Variants in CRYBG3 observed in about 807,000 individuals in gnomAD.
The protein encoded by CRYBG3 is very large A-kinase anchor protein.
A neutral mutation model predicts 244.2 loss-of-function variants in CRYBG3; 127 were observed. That is an observed-to-expected ratio of 0.52 (90% confidence interval 0.45 to 0.60). CRYBG3 has a LOEUF of 0.60. Ranked by LOEUF, CRYBG3 falls within the 20% of genes least tolerant of loss-of-function variation. The pLI is 0.00. For synonymous variants in CRYBG3, 1,132 were observed against 1,195.8 expected, an observed-to-expected ratio of 0.95 and a Z score of 1.10; for missense variants, 3,325 against 3,442.5, an observed-to-expected ratio of 0.97 and a Z score of 0.85.
intron 2 of CRYBG3, among the ~76,000 whole-genome samples, chr3:97,846,111 T>C (rs2038897241): frequency 6.6e-6 from 1 of 152,214 alleles, no homozygotes; most frequent in Non-Finnish European, 1.5e-5. Flanking sequence ...ACCAGTGACC[T>C]TTTGCTGACC....
intron 2 of CRYBG3, among the ~76,000 whole-genome samples, chr3:97,860,146 C>T (rs906177449): frequency 3.3e-5 from 5 of 152,160 alleles, no homozygotes; most frequent in Non-Finnish European, 7.4e-5. Context: ...TTGGACTGAA[C>T]ACATGAATTC....
chr3:97,839,419 C>T (rs970726463), intron 1 of CRYBG3, among the ~76,000 whole-genome samples: 4 of 151,932 alleles, frequency 2.6e-5, no homozygotes, highest in African/African-American at 9.7e-5. Context: ...ATTTTTAAAT[C>T]AACTGAAAAT....
intron 2 of CRYBG3, among the ~76,000 whole-genome samples, chr3:97,846,034 T>TG (rs1030697069): frequency 3.3e-5 from 5 of 152,200 alleles, no homozygotes; most frequent in African/African-American, 1.2e-4. Flanking sequence ...GCACGTGTCA[T>TG]GGATGCTCAG....
rs142786324 is a variant in CRYBG3, at chr3:97,899,106, A to G, written c.7845-31A>G. 5.1e-5 allele frequency: 82 copies of G among 1,599,732 alleles called. 2 individuals carry two copies. The highest frequency in any genetic ancestry group is 5.0e-4 in the African/African-American group (37 of 73,744). On this transcript the variant is annotated intron_variant, in intron 13 of 21. Coordinates refer to ENST00000389622, the MANE Select transcript of CRYBG3 (RefSeq NM_153605.4). Reference sequence around the variant, plus strand: ...GCTCAATTGTATATCACTTGTTTTTATTTTTTTGTTTTTTCTTTTTTCCCT... The same window carrying G: ...GCTCAATTGTATATCACTTGTTTTTGTTTTTTTGTTTTTTCTTTTTTCCCT...
intron 14 of CRYBG3, among the ~76,000 whole-genome samples, chr3:97,900,089 G>A (rs780905933): frequency 6.6e-6 from 1 of 152,168 alleles, no homozygotes; most frequent in Non-Finnish European, 1.5e-5. Context: ...TGGCACAGGG[G>A]TGCAATCCTA....
chr3:97,822,902 A>G (rs2038525637), intron 1 of CRYBG3, among the ~76,000 whole-genome samples: 1 of 152,220 alleles, frequency 6.6e-6, no homozygotes, highest in African/African-American at 2.4e-5. Context: ...TTTTCTCAAA[A>G]TGATTTTTAA....
At chr3:97,930,675 C>T (rs1422927637) in intron 17 of CRYBG3, among the ~76,000 whole-genome samples, 1 of 152,032 alleles carries the variant, frequency 6.6e-6, no homozygotes, top group East Asian at 1.9e-4. Flanking sequence ...TAGCACTAGC[C>T]ACCTGTGGTT....
intron 19 of CRYBG3, among the ~76,000 whole-genome samples, chr3:97,939,490 C>T (rs572930455): frequency 6.6e-6 from 1 of 152,034 alleles, no homozygotes; most frequent in Non-Finnish European, 1.5e-5. Context: ...TAGGAAGTCA[C>T]TAAGGTACTT....
At chr3:97,905,313 C>G (rs1007981163) in intron 15 of CRYBG3, among the ~76,000 whole-genome samples, 5 of 151,860 alleles carry the variant, frequency 3.3e-5, no homozygotes, top group Admixed American at 3.3e-4. Flanking sequence ...CCTGAGGAAT[C>G]GCCACACTGA....
chr3:97,869,870 G>A (rs933020941), intron 3 of CRYBG3, among the ~76,000 whole-genome samples: 1 of 152,136 alleles, frequency 6.6e-6, no homozygotes, highest in African/African-American at 2.4e-5. Context: ...AATTTAAGAA[G>A]TATTTAAGAG....
At chr3:97,862,011 A>G (rs2039157168) in intron 2 of CRYBG3, among the ~76,000 whole-genome samples, 1 of 152,126 alleles carries the variant, frequency 6.6e-6, no homozygotes, top group Non-Finnish European at 1.5e-5. Context: ...ATTTAAGGGA[A>G]CTAAAAAATA....
Position 97,876,811 on chromosome 3 carries a change from C to T in CRYBG3, c.5617C>T (p.His1873Tyr), listed in dbSNP as rs1341227575. The change falls in exon 4 of 22, where the codon CAT becomes TAT. Residue 1873 changes from histidine (H) to tyrosine (Y), a missense_variant. By Grantham distance (83) the His-to-Tyr change is moderately conservative. Transcript: ENST00000389622. ...LPAVVDIEKIHGTGLELTTKQ... is the reference protein window; with the variant it reads ...LPAVVDIEKIYGTGLELTTKQ... The stretch of plus-strand genomic sequence containing the variant: ...CGCAGTGGTAGACATTGAGAAAATA[C>T]ATGGAACAGGACTAGAATTGACCAC... The T allele has an allele frequency of 2.3e-6, 3 of 1,302,240 alleles. No individual in the cohort carries two copies. Among genetic ancestry groups the T allele is most frequent in the Non-Finnish European group, 2.9e-6 (3 of 1,027,920 alleles). The allele number at this position is 1,302,240 out of a possible 1,614,324, so 80.7% of individuals were successfully genotyped here.
In CRYBG3 at chr3:97,910,328, C is replaced by T. The variant is rs962945214; in HGVS notation, c.8005-1839C>T. 3.9e-5 allele frequency among the ~76,000 whole-genome samples: 6 copies of T among 152,356 alleles called. No homozygotes were observed. The South Asian group carries it at 8.3e-4, about 21-fold the overall frequency. ...TTACCTAATCAAGCCTGGGCAATGG[C>T]GGGCACCCCTCCCCCAGCCTGGCTG... On this transcript the variant is annotated intron_variant, in intron 15 of 21. Transcript: ENST00000389622.
intron 1 of CRYBG3, among the ~76,000 whole-genome samples, chr3:97,835,406 G>A (rs1019326656): frequency 3.9e-5 from 6 of 152,138 alleles, no homozygotes; most frequent in Middle Eastern, 3.4e-3. Context: ...GATGATATCC[G>A]GGAGTTGGGC....
chr3:97,906,092 C>T (rs1227742336), intron 15 of CRYBG3, among the ~76,000 whole-genome samples: 1 of 147,324 alleles, frequency 6.8e-6, no homozygotes, highest in African/African-American at 2.5e-5. Context: ...CTGTTCTGTT[C>T]CATTGATCTA....
At chr3:97,823,222 C>T (rs1456150276) in intron 1 of CRYBG3, among the ~76,000 whole-genome samples, 2 of 152,144 alleles carry the variant, frequency 1.3e-5, no homozygotes, top group Non-Finnish European at 2.9e-5. Context: ...AAACGCAGCT[C>T]GCTTTCTTAA....
intron 1 of CRYBG3, among the ~76,000 whole-genome samples, chr3:97,830,354 C>T (rs892186852): frequency 1.3e-5 from 2 of 152,078 alleles, no homozygotes; most frequent in Non-Finnish European, 2.9e-5. Context: ...TTCTCTTGGT[C>T]TCTGTGTCTT....
chr3:97,894,348 T>G (rs1258839929), intron 11 of CRYBG3, among the ~76,000 whole-genome samples: 1 of 146,508 alleles, frequency 6.8e-6, no homozygotes, highest in Non-Finnish European at 1.5e-5. Context: ...ATACAAACTT[T>G]CATTTGTCTG....
intron 2 of CRYBG3, among the ~76,000 whole-genome samples, chr3:97,853,869 T>C (rs2039025561): frequency 6.6e-6 from 1 of 152,108 alleles, no homozygotes; most frequent in Admixed American, 6.6e-5. Flanking sequence ...TTAGATTTGC[T>C]TTTGGGTTCT....
Sources: gnomAD v4.1 joint callset for allele counts (sites outside exome capture counted in the v4.1 genomes callset) on GRCh38, gnomAD v4.1.1 for gene constraint, MANE v1.5 for transcripts, NCBI Gene and HGNC (gene_info 2026-07-23, HGNC 2026-07-21) for gene names.